RFX8: variants seen among roughly 807,000 people sequenced by gnomAD.
RFX8 encodes regulatory factor X8, also known as DNA-binding protein RFX8.
A neutral mutation model predicts 54.6 loss-of-function variants in RFX8; 46 were observed. That is an observed-to-expected ratio of 0.84 (90% CI 0.67 to 1.08). The LOEUF is 1.08. Among genes scored for constraint, RFX8 ranks in the 50% least tolerant of loss-of-function variants. The pLI is 0.00. For missense variants in RFX8, 536 were observed against 562.3 expected, an observed-to-expected ratio of 0.95 and a Z score of 0.47; for synonymous variants, 192 against 209.5, an observed-to-expected ratio of 0.92 and a Z score of 0.72.
At chr2:101,452,414 G>T in intron 2 of RFX8, 1 of 1,377,050 alleles carries the variant, frequency 7.3e-7, no homozygotes. Flanking sequence ...CCAGCCTCCG[G>T]GTGCCAAGGT....
chr2:101,398,852 G>C (rs966438431), intron 11 of RFX8, among the ~76,000 whole-genome samples: 1 of 152,122 alleles, frequency 6.6e-6, no homozygotes, highest in African/African-American at 2.4e-5. Flanking sequence ...CAAATGCAAG[G>C]TTCATGAAAG....
intron 9 of RFX8, among the ~76,000 whole-genome samples, chr2:101,408,211 C>G (rs899083823): frequency 2.0e-5 from 3 of 151,834 alleles, no homozygotes; most frequent in Admixed American, 1.3e-4. Context: ...GCTGGCCGGG[C>G]GCGGTGGCTC....
At position 101,397,369 on chromosome 2, in the gene RFX8, A is replaced by C. The variant is rs1685186025; in HGVS notation, c.*179T>G. 1.0e-5 allele frequency: 4 copies of C among 387,792 alleles called. No individual in the cohort carries two copies. Among genetic ancestry groups the C allele is most frequent in the Admixed American group, 4.6e-5 (1 of 21,894 alleles). The allele number at this position is 387,792 out of a possible 1,614,324, so 24.0% of individuals were successfully genotyped here. The stretch of plus-strand genomic sequence containing the variant: ...CAACAGAGGCAAAAATTATTCTCCA[A>C]ATCAGTTTACATATTTTATCGAAAC... On this transcript the variant is annotated 3_prime_UTR_variant, in exon 12 of 12. Coordinates refer to ENST00000428343, the MANE Select transcript of RFX8 (RefSeq NM_001145664.2).
rs532195356 is a variant in RFX8 at position 101,416,441 on chromosome 2, C to T, written c.502+1093G>A. ...TGTTAGTAGTGAACACAGCTGGGGG[C>T]GTGGGGTCGGGAGGAGTGGCGATTA... On this transcript the variant is annotated intron_variant, in intron 6 of 11. Transcript: ENST00000428343. Among the ~76,000 whole-genome samples, 84 of 152,130 alleles carry T rather than the reference C, an allele frequency of 5.5e-4. No homozygotes were observed. In the Middle Eastern group the frequency reaches 0.01, roughly 18 times the overall value.
At chr2:101,450,465 C>T (rs1021843295) in intron 2 of RFX8, 13 of 555,780 alleles carry the variant, frequency 2.3e-5, no homozygotes, top group Admixed American at 9.6e-5. Context: ...TCAACTCAAG[C>T]GGTTCTTGTG....
chr2:101,470,220 G>A (rs756273839), intron 1 of RFX8, among the ~76,000 whole-genome samples: 1 of 152,172 alleles, frequency 6.6e-6, no homozygotes, highest in Non-Finnish European at 1.5e-5. Context: ...CAGAAAACAA[G>A]CACATGACCT....
chr2:101,464,288 A>C (rs183937447), intron 2 of RFX8, among the ~76,000 whole-genome samples: 1 of 152,338 alleles, frequency 6.6e-6, no homozygotes, highest in Non-Finnish European at 1.5e-5. Context: ...GTCCGTTTAT[A>C]ATCAGAAAAA....
chr2:101,461,151 C>T (rs1249342535), intron 2 of RFX8, among the ~76,000 whole-genome samples: 1 of 150,812 alleles, frequency 6.6e-6, no homozygotes, highest in Non-Finnish European at 1.5e-5. Context: ...CACCTGTAGT[C>T]CCAGCTACTC....
At chr2:101,467,032 C>A (rs942961178) in intron 1 of RFX8, 132 bp from the exon 2 acceptor site, 5 of 624,390 alleles carry the variant, frequency 8.0e-6, no homozygotes, top group African/African-American at 1.8e-5. Context: ...TTGGATGAAT[C>A]CCTGCGAAGG....
intron 10 of RFX8, among the ~76,000 whole-genome samples, chr2:101,405,024 A>C (rs1294382604): frequency 6.6e-6 from 1 of 152,116 alleles, no homozygotes; most frequent in Non-Finnish European, 1.5e-5. Context: ...TGGAGACTTT[A>C]TCTTTCCACT....
At chr2:101,410,942 G>A (rs1686089564) in intron 8 of RFX8, among the ~76,000 whole-genome samples, 3 of 152,192 alleles carry the variant, frequency 2.0e-5, no homozygotes, top group African/African-American at 7.2e-5. Context: ...AGCCACCTCT[G>A]CCACTTGTTG....
intron 7 of RFX8, among the ~76,000 whole-genome samples, chr2:101,413,788 G>A (rs1256162433): frequency 1.3e-5 from 2 of 152,162 alleles, no homozygotes; most frequent in African/African-American, 2.4e-5. Context: ...CAGACTGACC[G>A]AGTCAGGACT....
At chr2:101,431,636 C>T (rs1187081998) in intron 2 of RFX8, among the ~76,000 whole-genome samples, 1 of 152,192 alleles carries the variant, frequency 6.6e-6, no homozygotes. Context: ...GGAAAACTCT[C>T]AACTTTATCA....
chr2:101,455,185 T>A (rs779341547), intron 2 of RFX8, among the ~76,000 whole-genome samples: 3 of 152,090 alleles, frequency 2.0e-5, no homozygotes, highest in Admixed American at 6.6e-5. Flanking sequence ...TAATTTTTTG[T>A]ATTTTTTAGT....
intron 2 of RFX8, among the ~76,000 whole-genome samples, chr2:101,427,754 G>A (rs908683285): frequency 1.2e-4 from 19 of 152,170 alleles, no homozygotes; most frequent in South Asian, 2.1e-4. Context: ...TGCACTGCCC[G>A]CTCGACATGG....
chr2:101,445,370 A>G (rs1338134121), intron 2 of RFX8, among the ~76,000 whole-genome samples: 1 of 151,254 alleles, frequency 6.6e-6, no homozygotes, highest in Non-Finnish European at 1.5e-5. Context: ...ACTCCATTGT[A>G]TTGTCTTCAG....
chr2:101,423,911 C>T (rs564969863), intron 2 of RFX8, among the ~76,000 whole-genome samples: 1 of 152,304 alleles, frequency 6.6e-6, no homozygotes, highest in African/African-American at 2.4e-5. Flanking sequence ...GCATGTTTAA[C>T]TGTCCTCTCA....
intron 1 of RFX8, among the ~76,000 whole-genome samples, chr2:101,469,109 T>TATATATATATAAGTATATATATATAA (rs1558897018): frequency 3.8e-5 from 1 of 26,040 alleles, no homozygotes; most frequent in African/African-American, 1.3e-4. Context: ...TATATATAAG[T>TATATATATATAAGTATATATATATAA]GTATATATAT....
chr2:101,416,847 A>C (rs759731151), intron 6 of RFX8, among the ~76,000 whole-genome samples: 1 of 152,184 alleles, frequency 6.6e-6, no homozygotes, highest in African/African-American at 2.4e-5. Context: ...CCTTGAACAG[A>C]TAAATAGCCT....
Sources: gnomAD v4.1 joint callset for allele counts (sites outside exome capture counted in the v4.1 genomes callset) on GRCh38, gnomAD v4.1.1 for gene constraint, MANE v1.5 for transcripts, NCBI Gene and HGNC (gene_info 2026-07-23, HGNC 2026-07-21) for gene names.